The following CCR3 variants were observed in gnomAD, a reference collection of about 807,000 sequenced individuals.
CCR3 encodes the protein C-C chemokine receptor type 3.
For synonymous variants in CCR3, 203 were observed against 179.2 expected, an observed-to-expected ratio of 1.13 and a Z score of -1.06; for missense variants, 419 against 437.5, an observed-to-expected ratio of 0.96 and a Z score of 0.38.
rs1379253868 is a variant in CCR3, at chr3:46,252,752, A to G, written c.-12+10214A>G. ...AGGTGGTAGATTTCATTTGTTCTGG[A>G]TGATACAGCAATATAGCCTACCATT... On this transcript the variant is annotated intron_variant, in intron 1 of 1. Coordinates refer to ENST00000395940, the MANE Select transcript of CCR3 (RefSeq NM_178329.3). Among the ~76,000 whole-genome samples, 8 of 152,068 alleles carry G rather than the reference A, an allele frequency of 5.3e-5. 1 individual carries two copies. Among genetic ancestry groups the G allele is most frequent in the Non-Finnish European group, 4.4e-5 (3 of 68,002 alleles).
intron 2 of CCR3, among the ~76,000 whole-genome samples, chr3:46,218,154 GA>G: frequency 6.6e-6 from 1 of 152,102 alleles, no homozygotes; most frequent in South Asian, 2.1e-4. Flanking sequence ...TGATGCCACA[GA>G]AATGCAAAAG....
chr3:46,247,579 C>T (rs955665912), intron 1 of CCR3, among the ~76,000 whole-genome samples: 9 of 152,100 alleles, frequency 5.9e-5, no homozygotes, highest in Non-Finnish European at 1.3e-4. Context: ...ATACTAAGAG[C>T]CTGAAAAACT....
chr3:46,223,859 G>T (rs1389861680), intron 2 of CCR3, among the ~76,000 whole-genome samples: 1 of 152,094 alleles, frequency 6.6e-6, no homozygotes, highest in Non-Finnish European at 1.5e-5. Flanking sequence ...CATGGATAGA[G>T]GTACTAGAGG....
intron 2 of CCR3, among the ~76,000 whole-genome samples, chr3:46,227,742 A>T (rs1245735800): frequency 6.6e-6 from 1 of 152,200 alleles, no homozygotes; most frequent in Non-Finnish European, 1.5e-5. Context: ...TTAGTTCTGT[A>T]TATTTTTAAA....
rs1202851991 is a variant in CCR3 at position 46,245,349 on chromosome 3, G to A, written c.-12+2811G>A. ...TGTGGATGTATCTAGTATCCTCCAA[G>A]GTCATCAAATTTCTGCTCTATGAGA... On this transcript the variant is annotated intron_variant, in intron 1 of 1. Coordinates refer to ENST00000395940, the MANE Select transcript of CCR3 (RefSeq NM_178329.3). 2.0e-5 allele frequency among the ~76,000 whole-genome samples: 3 copies of A among 147,988 alleles called. No individual in the cohort carries two copies. The Admixed American group carries it at 2.0e-4, about 10-fold the overall frequency.
At chr3:46,255,869 C>T (rs1700412767) in intron 1 of CCR3, among the ~76,000 whole-genome samples, 1 of 151,586 alleles carries the variant, frequency 6.6e-6, no homozygotes, top group African/African-American at 2.4e-5. Flanking sequence ...TGCTGTGTTG[C>T]TTTGGCAATG....
At chr3:46,264,497 A>G (rs1257789380) in intron 1 of CCR3, 4 of 1,287,102 alleles carry the variant, frequency 3.1e-6, no homozygotes, top group Non-Finnish European at 4.3e-6. Context: ...AAAAATCACT[A>G]CATTTGAATC....
chr3:46,230,325 A>C (rs552486380), intron 2 of CCR3, among the ~76,000 whole-genome samples: 1 of 152,128 alleles, frequency 6.6e-6, no homozygotes, highest in Non-Finnish European at 1.5e-5. Context: ...ATAAAATTCA[A>C]CTCCTGAATT....
intron 2 of CCR3, among the ~76,000 whole-genome samples, chr3:46,232,808 A>G (rs1699980929): frequency 6.6e-6 from 1 of 152,180 alleles, no homozygotes; most frequent in Admixed American, 6.5e-5. Flanking sequence ...TCTTTTGTAG[A>G]ATAGGCTATC....
At chr3:46,218,873 T>C (rs1470104401) in intron 2 of CCR3, among the ~76,000 whole-genome samples, 2 of 152,132 alleles carry the variant, frequency 1.3e-5, no homozygotes, top group African/African-American at 2.4e-5. Context: ...GCTAACATTA[T>C]ACTGAAAAGG....
chr3:46,253,942 G>T (rs1312484534), intron 1 of CCR3, among the ~76,000 whole-genome samples: 1 of 151,798 alleles, frequency 6.6e-6, no homozygotes, highest in African/African-American at 2.4e-5. Flanking sequence ...CAGAAAACTT[G>T]ATGTTTCTTA....
intron 1 of CCR3, among the ~76,000 whole-genome samples, chr3:46,244,901 C>T (rs957744784): frequency 6.6e-6 from 1 of 152,122 alleles, no homozygotes; most frequent in African/African-American, 2.4e-5. Context: ...AGCACTGGGT[C>T]CCAGAAAGCT....
intron 2 of CCR3, among the ~76,000 whole-genome samples, chr3:46,218,743 A>G (rs902730032): frequency 2.0e-5 from 3 of 152,156 alleles, no homozygotes; most frequent in Non-Finnish European, 4.4e-5. Context: ...AATCATCTCA[A>G]TAGATTCAGA....
intron 1 of CCR3, among the ~76,000 whole-genome samples, chr3:46,246,873 C>T (rs938581317): frequency 4.6e-5 from 7 of 152,004 alleles, no homozygotes; most frequent in Admixed American, 2.6e-4. Flanking sequence ...GCGTGGGAAC[C>T]TAGAGTGGGA....
intron 1 of CCR3, among the ~76,000 whole-genome samples, chr3:46,263,050 T>C (rs1204627498): frequency 6.6e-6 from 1 of 152,226 alleles, no homozygotes; most frequent in Non-Finnish European, 1.5e-5. Context: ...AGCTGTGAAC[T>C]TCAGTGCTAA....
chr3:46,231,291 T>C (rs1462570499), intron 2 of CCR3, among the ~76,000 whole-genome samples: 2 of 152,204 alleles, frequency 1.3e-5, no homozygotes, highest in East Asian at 3.8e-4. Flanking sequence ...GCACTCCATA[T>C]GGAAATGGGC....
intron 1 of CCR3, among the ~76,000 whole-genome samples, chr3:46,257,427 CTTTTT>C (rs34426861): frequency 9.6e-6 from 1 of 103,972 alleles, no homozygotes; most frequent in Non-Finnish European, 1.9e-5. Flanking sequence ...TTGTCCCAGG[CTTTTT>C]TTTTTTTTTT....
chr3:46,246,732 C>T (rs1700198174), intron 1 of CCR3, among the ~76,000 whole-genome samples: 1 of 151,972 alleles, frequency 6.6e-6, no homozygotes, highest in African/African-American at 2.4e-5. Flanking sequence ...GACATTCCTG[C>T]CTTCTTATAT....
chr3:46,265,449 T>A lies in CCR3; in HGVS notation c.291T>A (p.His97Gln). The change falls in exon 2 of 2, where the codon CAT becomes CAA. Residue 97 changes from histidine to glutamine, a missense_variant. Physicochemically the swap from His to Gln is conservative, Grantham distance 24. Coordinates refer to ENST00000395940, the MANE Select transcript of CCR3 (RefSeq NM_178329.3). The stretch of plus-strand genomic sequence containing the variant: ...TCTGGATCCACTATGTCAGGGGGCA[T>A]AACTGGGTTTTTGGCCATGGCATGT... ...LPFWIHYVRG[H>Q]NWVFGHGMCK... 6.2e-7 allele frequency: 1 copy of A among 1,614,206 alleles called. No homozygotes were observed. Among genetic ancestry groups the A allele is most frequent in the Middle Eastern group, 1.7e-4 (1 of 6,060 alleles).
Sources: gnomAD v4.1 joint callset for allele counts (sites outside exome capture counted in the v4.1 genomes callset) on GRCh38, gnomAD v4.1.1 for gene constraint, MANE v1.5 for transcripts, NCBI Gene and HGNC (gene_info 2026-07-23, HGNC 2026-07-21) for gene names.